The following SEC24C variants were observed in gnomAD, a reference collection of about 807,000 sequenced individuals.
The protein encoded by SEC24C is protein transport protein Sec24C.
A neutral mutation model predicts 117.0 loss-of-function variants in SEC24C; 22 were observed. That is an observed-to-expected ratio of 0.19 (90% confidence interval 0.13 to 0.27). The LOEUF (loss-of-function observed/expected upper bound fraction) is 0.27. SEC24C is among the 10% of genes least tolerant of loss of function. The pLI is 1.00. For synonymous variants in SEC24C, 506 were observed against 529.4 expected, an observed-to-expected ratio of 0.96 and a Z score of 0.61; for missense variants, 1,155 against 1,375.1, an observed-to-expected ratio of 0.84 and a Z score of 2.53.
chr10:73,759,785 C>G lies in SEC24C; in HGVS notation c.472C>G (p.Leu158Val), dbSNP rs762103672. Reference protein sequence around the residue: ...AVAPAPPSSGLGFGPPTSLAS... With the variant: ...AVAPAPPSSGVGFGPPTSLAS... ...GGCCCCAGCCCCTCCTTCTTCAGGG[C>G]TGGGCTTTGGTGAGTGGCTGTGAAC... The change falls in exon 4 of 23, where the codon CTG becomes GTG. Residue 158 changes from leucine to valine, a missense_variant. Leu to Val is a conservative substitution (Grantham distance 32). Coordinates refer to ENST00000345254, the MANE Select transcript of SEC24C (RefSeq NM_198597.3). The G allele has an allele frequency of 6.9e-6, 11 of 1,584,576 alleles. No homozygotes were observed. Among genetic ancestry groups the G allele is most frequent in the Non-Finnish European group, 7.7e-6 (9 of 1,168,864 alleles).
chr10:73,771,270 T>C lies in SEC24C; in HGVS notation c.*175T>C, dbSNP rs1025856379. ...GCTCAAGTATCCTGCCACTCTGTCA[T>C]GTCCTGCTGATGGAAGGTGCCCCTG... is the stretch of plus-strand genomic sequence containing the variant. On this transcript the variant is annotated 3_prime_UTR_variant, in exon 23 of 23. Transcript: ENST00000345254. 14 of 683,888 alleles carry C rather than the reference T, an allele frequency of 2.0e-5. 1 individual carries two copies. Among genetic ancestry groups the C allele is most frequent in the South Asian group, 3.9e-5 (2 of 51,338 alleles). The allele number at this position is 683,888 out of a possible 1,614,324, so 42.4% of individuals were successfully genotyped here. A position where few individuals can be genotyped will look rare whatever the true frequency, so the allele number is the denominator to read the frequency against.
At chr10:73,752,145 A>G (rs2082650264) in intron 3 of SEC24C, 1 of 151,984 alleles carries the variant, frequency 6.6e-6, no homozygotes, top group South Asian at 2.1e-4. Flanking sequence ...TTTTTGAGAC[A>G]GGGTCTCACT....
chr10:73,760,337 G>A lies in SEC24C; in HGVS notation c.801G>A (p.Leu267=). ...AGATGACTGGGCCCCTGGGACCACT[G>A]CCACCTATGCACTCCCCGCAGCAGC... ...GTQMTGPLGP[L]PPMHSPQQPG... is the part of the protein sequence containing the mutation. The change falls in exon 5 of 23, where the codon CTG becomes CTA. Residue 267 remains leucine (L), a synonymous_variant. Coordinates refer to ENST00000345254, the MANE Select transcript of SEC24C (RefSeq NM_198597.3). 6.2e-7 allele frequency: 1 copy of A among 1,610,396 alleles called. No homozygotes were observed. Among genetic ancestry groups the A allele is most frequent in the Non-Finnish European group, 8.5e-7 (1 of 1,179,856 alleles).
chr10:73,770,852 G>A, intron 22 of SEC24C, 54 bp downstream of exon 22: 1 of 1,611,518 alleles, frequency 6.2e-7, no homozygotes, highest in Non-Finnish European at 8.5e-7. Flanking sequence ...TCACCTAGAA[G>A]TGGGGGTTGG....
rs2082686507 is a variant in SEC24C, at chr10:73,754,704, CCTCAGTCTA to C, written c.308+3462_308+3470del. 2.6e-5 allele frequency among the ~76,000 whole-genome samples: 4 copies of C among 152,102 alleles called. No homozygotes were observed. In the South Asian group the frequency reaches 8.3e-4, roughly 32 times the overall value. ...GGACTGGAGATAAAAATTTGGGAGT[CCTCAGTCTA>C]TAGATATTTAAAGCCGTGGGACTAG... On this transcript the variant is annotated intron_variant, in intron 3 of 22. Coordinates refer to ENST00000345254, the MANE Select transcript of SEC24C (RefSeq NM_198597.3).
At chr10:73,767,312 T>C in intron 14 of SEC24C, 142 bp downstream of exon 14, 1 of 621,268 alleles carries the variant, frequency 1.6e-6, no homozygotes, top group Non-Finnish European at 2.9e-6. Flanking sequence ...ACTGCTGCCA[T>C]ACTTCTCTAC....
intron 2 of SEC24C, among the ~76,000 whole-genome samples, 187 bp from the exon 3 acceptor site, chr10:73,750,921 G>T (rs763884342): frequency 6.6e-6 from 1 of 152,144 alleles, no homozygotes; most frequent in Non-Finnish European, 1.5e-5. Context: ...TAGGCCCCTT[G>T]TTGGGAATCT....
rs560499929 is a variant in SEC24C, at chr10:73,746,381, G to A, written c.-28-424G>A. ...AAATCAATTGTTCAGCACACTAGAG[G>A]GTACTCGATGTTTGCTGAATGAATG... is the stretch of plus-strand genomic sequence containing the variant. On this transcript the variant is annotated intron_variant, in intron 1 of 22. Coordinates refer to ENST00000345254, the MANE Select transcript of SEC24C (RefSeq NM_198597.3). Among the ~76,000 whole-genome samples the A allele has an allele frequency of 2.6e-5, 4 of 152,266 alleles. No individual in the cohort carries two copies. In the Middle Eastern group the frequency reaches 0.014, roughly 518 times the overall value.
At position 73,760,372 on chromosome 10, in the gene SEC24C, A is replaced by T. The variant is rs772485883; in HGVS notation, c.836A>T (p.Gln279Leu). ...PMHSPQQPGYQPQQNGSFGPA... is the reference protein window; with the variant it reads ...PMHSPQQPGYLPQQNGSFGPA... ...CACTCCCCGCAGCAGCCAGGCTATC[A>T]GCCCCAACAAAATGGTGAGTCTTTC... The change falls in exon 5 of 23, where the codon CAG (glutamine) becomes CTG (leucine). Residue 279 changes from glutamine (Q) to leucine (L), a missense_variant. Physicochemically the swap from Gln to Leu is moderately radical, Grantham distance 113. Transcript: ENST00000345254. 37 of 1,592,784 alleles carry T rather than the reference A, an allele frequency of 2.3e-5. No homozygotes were observed. In the East Asian group the frequency reaches 7.8e-4, roughly 34 times the overall value.
intron 8 of SEC24C, among the ~76,000 whole-genome samples, 169 bp downstream of exon 8, chr10:73,764,152 G>T (rs1388631949): frequency 2.6e-5 from 4 of 152,172 alleles, no homozygotes; most frequent in Non-Finnish European, 5.9e-5. Flanking sequence ...CTGGAGAGGG[G>T]ATGGTAGGGA....
chr10:73,768,699 TATG>T (rs1471879776), intron 15 of SEC24C, 108 bp from the exon 16 acceptor site: 6 of 912,100 alleles, frequency 6.6e-6, no homozygotes, highest in Admixed American at 2.0e-5. Flanking sequence ...TCCTCACTGT[TATG>T]ATGATGATAA....
chr10:73,751,123 C>T lies in SEC24C; in HGVS notation c.188C>T (p.Pro63Leu). 6.2e-7 allele frequency: 1 copy of T among 1,614,012 alleles called. No individual in the cohort carries two copies. Among genetic ancestry groups the T allele is most frequent in the Non-Finnish European group, 8.5e-7 (1 of 1,179,914 alleles). Residue 63 changes from proline (P) to leucine (L), a missense_variant, in exon 3 of 23, where the codon CCA becomes CTA. Pro to Leu is a moderately conservative substitution (Grantham distance 98). Around this residue, in one of 2 missense-constraint regions of SEC24C, gnomAD observed 396 missense variants for 382.8 expected, o/e 1.03. Coordinates refer to ENST00000345254, the MANE Select transcript of SEC24C (RefSeq NM_198597.3). ...QTPPQGMSRA[P>L]PSSGAPPAST... ...TTACCCTCAGGTATGTCAAGAGCCCCACCTTCCTCGGGGGCACCTCCAGCC... is the reference window on the plus strand; with the variant it reads ...TTACCCTCAGGTATGTCAAGAGCCCTACCTTCCTCGGGGGCACCTCCAGCC...
chr10:73,757,889 C>T (rs2132543679), intron 3 of SEC24C, among the ~76,000 whole-genome samples: 1 of 137,630 alleles, frequency 7.3e-6, no homozygotes, highest in Non-Finnish European at 1.5e-5. Flanking sequence ...CCATTGTACT[C>T]CAGCCTGGGT....
intron 14 of SEC24C, 115 bp downstream of exon 14, chr10:73,767,285 T>G (rs2082899762): frequency 4.4e-6 from 3 of 681,828 alleles, no homozygotes; most frequent in Non-Finnish European, 7.8e-6. Context: ...ATACCATATC[T>G]GTGACTGCCA....
rs1026645862 is a variant in SEC24C, at chr10:73,746,791, C to G, written c.-28-14C>G. On this transcript the variant is annotated splice_polypyrimidine_tract_variant and intron_variant, in intron 1 of 22. Coordinates refer to ENST00000345254, the MANE Select transcript of SEC24C (RefSeq NM_198597.3). ...AGAAAGTTCATTTTGACTAATTTCTCCTCTCTCTCACAGGTGAGATCAAAT... is the reference window on the plus strand; with the variant it reads ...AGAAAGTTCATTTTGACTAATTTCTGCTCTCTCTCACAGGTGAGATCAAAT... The G allele has an allele frequency of 3.2e-6, 5 of 1,539,992 alleles. No individual in the cohort carries two copies. In the African/African-American group the frequency reaches 4.1e-5, roughly 13 times the overall value.
At chr10:73,767,425 T>C (rs1272420255) in intron 14 of SEC24C, among the ~76,000 whole-genome samples, 1 of 152,110 alleles carries the variant, frequency 6.6e-6, no homozygotes, top group East Asian at 1.9e-4. Flanking sequence ...TCCGAGCGCT[T>C]TGGGAGGCCA....
chr10:73,765,391 TCCTGGCTGAA>T, intron 8 of SEC24C, 50 bp from the exon 9 acceptor site: 2 of 1,578,720 alleles, frequency 1.3e-6, no homozygotes, highest in African/African-American at 1.3e-5. Context: ...CTTCCTCATC[TCCTGGCTGAA>T]CCTACTGTGG....
rs2082885170 is a variant in SEC24C at position 73,766,455 on chromosome 10, G to A, written c.1713G>A (p.Met571Ile). ...GCTCATTGGCCCAGCCACAGATGAT[G>A]GTTGTGTCTGATGTGGCTGACATGT... ...VKSSLAQPQM[M>I]VVSDVADMFV... The change falls in exon 12 of 23, where the codon ATG becomes ATA. Residue 571 changes from methionine (M) to isoleucine (I), a missense_variant. Around this residue, in one of 2 missense-constraint regions of SEC24C, gnomAD observed 759 missense variants for 992.3 expected, o/e 0.76. Transcript: ENST00000345254. 2 of 1,614,132 alleles carry A rather than the reference G, an allele frequency of 1.2e-6. No homozygotes were observed. The highest frequency in any genetic ancestry group is 1.7e-6 in the Non-Finnish European group (2 of 1,180,040).
At chr10:73,758,695 C>G (rs535714381) in intron 3 of SEC24C, among the ~76,000 whole-genome samples, 1 of 152,276 alleles carries the variant, frequency 6.6e-6, no homozygotes, top group South Asian at 2.1e-4. Context: ...TTTAATTTAG[C>G]ATAATATTTT....
Sources: gnomAD v4.1 joint callset for allele counts (sites outside exome capture counted in the v4.1 genomes callset) on GRCh38, gnomAD v4.1.1 for gene constraint, gnomAD v4.1.1 regional missense constraint, MANE v1.5 for transcripts, NCBI Gene and HGNC (gene_info 2026-07-23, HGNC 2026-07-21) for gene names.